Variants in SHISA9 observed in about 807,000 individuals in gnomAD.
SHISA9 encodes the protein shisa family member 9, also known as protein shisa-9.
In SHISA9, 13 loss-of-function variants were observed where a neutral mutation model predicts 38.0. The observed-to-expected ratio is 0.34, with a 90% CI of 0.22 to 0.54. The LOEUF is 0.54. Ranked by LOEUF, SHISA9 falls within the 20% of genes least tolerant of loss-of-function variation. The pLI is 0.91. For synonymous variants in SHISA9, 275 were observed against 242.0 expected, an observed-to-expected ratio of 1.14 and a Z score of -1.27; for missense variants, 538 against 575.8, an observed-to-expected ratio of 0.93 and a Z score of 0.67.
At chr16:13,529,740 C>T in the SHISA9 span, among the ~76,000 whole-genome samples, 2 of 152,188 alleles carry the variant, frequency 1.3e-5, no homozygotes, top group East Asian at 1.9e-4. Flanking sequence ...ATAGGGCATC[C>T]TGTGTTTGCC....
the SHISA9 span, among the ~76,000 whole-genome samples, chr16:13,261,926 A>T: frequency 1.4e-4 from 22 of 152,328 alleles, no homozygotes; most frequent in Admixed American, 3.3e-4. Context: ...GTGGCTGAGG[A>T]TATCAGTAGG....
chr16:12,910,020 C>G (rs2071160334), intron 1 of SHISA9: 1 of 152,156 alleles, frequency 6.6e-6, no homozygotes, highest in Non-Finnish European at 1.5e-5. Flanking sequence ...TGATGCCAGG[C>G]TAATTTTTGT....
the SHISA9 span, among the ~76,000 whole-genome samples, chr16:13,313,159 G>A: frequency 1.3e-5 from 2 of 148,882 alleles, no homozygotes; most frequent in Non-Finnish European, 3.0e-5. Context: ...GGAGGCTGAG[G>A]CAGGAGAATG....
chr16:12,911,509 C>A (rs891652512), intron 1 of SHISA9: 3 of 433,692 alleles, frequency 6.9e-6, no homozygotes, highest in Admixed American at 1.3e-4. Context: ...TCAAACCAAG[C>A]TTGAGGGTGA....
the SHISA9 span, among the ~76,000 whole-genome samples, chr16:13,357,503 G>A: frequency 2.0e-5 from 3 of 152,136 alleles, no homozygotes; most frequent in Non-Finnish European, 4.4e-5. Flanking sequence ...TCTTTGTCAC[G>A]GAGCAAAGAG....
chr16:13,192,162 G>C (rs1184042475), intron 2 of SHISA9, among the ~76,000 whole-genome samples: 1 of 152,086 alleles, frequency 6.6e-6, no homozygotes, highest in Non-Finnish European at 1.5e-5. Context: ...TTATGGATGG[G>C]AGCTAAACAG....
At chr16:13,538,031 T>C in the SHISA9 span, among the ~76,000 whole-genome samples, 1 of 152,224 alleles carries the variant, frequency 6.6e-6, no homozygotes, top group African/African-American at 2.4e-5. Context: ...GTTAGACTGT[T>C]GAAGTTTCTC....
rs1248196004 is a variant in SHISA9 at position 12,902,618 on chromosome 16, A to T, written c.554A>T (p.His185Leu). Reference protein sequence around the residue: ...LEKAHRPQREHMSRALADVMR... With the variant: ...LEKAHRPQRELMSRALADVMR... ...AAAGCGCACCGGCCCCAAAGGGAGCACATGTCCAGGTGGGCTGCCTCCCCT... is the reference window on the plus strand; with the variant it reads ...AAAGCGCACCGGCCCCAAAGGGAGCTCATGTCCAGGTGGGCTGCCTCCCCT... The change falls in exon 1 of 5, where the codon CAC (histidine) becomes CTC (leucine). Residue 185 changes from histidine to leucine, a missense_variant. By Grantham distance (99) the His-to-Leu change is moderately conservative (BLOSUM62 -3). Transcript: ENST00000558583. The T allele has an allele frequency of 6.5e-7, 1 of 1,547,954 alleles. No individual in the cohort carries two copies. The highest frequency in any genetic ancestry group is 8.7e-7 in the Non-Finnish European group (1 of 1,145,436).
chr16:13,207,125 A>C (rs149227), intron 3 of SHISA9, among the ~76,000 whole-genome samples: 17,162 of 152,256 alleles, frequency 0.11, 1,248 homozygotes, highest in South Asian at 0.29. Context: ...TTAGCTGGGC[A>C]TGGTGGCAGG....
In SHISA9 at chr16:13,031,286, A is replaced by T. The variant is rs551418471; in HGVS notation, c.691+114471A>T. Among the ~76,000 whole-genome samples, 11 of 152,292 alleles carry T rather than the reference A, an allele frequency of 7.2e-5. No homozygotes were observed. The South Asian group carries it at 2.1e-3, about 29-fold the overall frequency. On this transcript the variant is annotated intron_variant, in intron 2 of 4. Transcript: ENST00000558583. ...TCTGTCCACTGGAATAGGTTGGATG[A>T]AGAAACCCCAGTTATTCATGCTTTG...
the SHISA9 span, among the ~76,000 whole-genome samples, chr16:13,512,703 C>T: frequency 6.6e-6 from 1 of 152,050 alleles, no homozygotes; most frequent in African/African-American, 2.4e-5. Flanking sequence ...GAAATAACAC[C>T]ACACATCTAC....
At chr16:12,960,067 C>G (rs11648061) in intron 2 of SHISA9, among the ~76,000 whole-genome samples, 29,307 of 152,136 alleles carry the variant, frequency 0.19, 3,470 homozygotes, top group Middle Eastern at 0.35. Flanking sequence ...GTCAAAACAG[C>G]CTTCACGTTT....
chr16:13,520,603 C>CAAAAAAA, the SHISA9 span, among the ~76,000 whole-genome samples: 17 of 56,230 alleles, frequency 3.0e-4, no homozygotes, highest in African/African-American at 1.3e-3. Context: ...AACTCTGTCT[C>CAAAAAAA]AAAAAAAAAA....
the SHISA9 span, among the ~76,000 whole-genome samples, chr16:13,374,548 C>G: frequency 8.3e-3 from 1,267 of 152,304 alleles, 8 homozygotes; most frequent in Non-Finnish European, 0.011. Flanking sequence ...GCCACATTTT[C>G]TTAATCCAGT....
chr16:13,265,822 A>G, the SHISA9 span, among the ~76,000 whole-genome samples: 10 of 29,214 alleles, frequency 3.4e-4, no homozygotes, highest in Admixed American at 8.2e-4. Flanking sequence ...GATAACTGGA[A>G]AAAAAAAACA....
At chr16:13,475,114 AT>A in the SHISA9 span, among the ~76,000 whole-genome samples, 2 of 152,318 alleles carry the variant, frequency 1.3e-5, no homozygotes, top group East Asian at 1.9e-4. Flanking sequence ...CTTTGCAGCC[AT>A]TCAGAAGATG....
chr16:13,524,698 A>C, the SHISA9 span, among the ~76,000 whole-genome samples: 2 of 151,722 alleles, frequency 1.3e-5, no homozygotes, highest in African/African-American at 4.8e-5. Context: ...AGCGGGGACT[A>C]CAGGTGAGTA....
At chr16:13,551,517 T>C in the SHISA9 span, among the ~76,000 whole-genome samples, 1 of 152,170 alleles carries the variant, frequency 6.6e-6, no homozygotes, top group African/African-American at 2.4e-5. Flanking sequence ...GAGATACACA[T>C]ACATGTAAAG....
chr16:12,969,857 A>G (rs1466275717), intron 2 of SHISA9, among the ~76,000 whole-genome samples: 1 of 152,332 alleles, frequency 6.6e-6, no homozygotes, highest in South Asian at 2.1e-4. Context: ...CACGCAAAAA[A>G]GTAAGTTTTG....
Sources: allele counts gnomAD v4.1 joint callset (sites outside exome capture counted in the v4.1 genomes callset), GRCh38; gene constraint gnomAD v4.1.1; transcripts MANE v1.5; gene names NCBI Gene and HGNC (gene_info 2026-07-23, HGNC 2026-07-21).